Variants in SGCZ observed in about 807,000 individuals in gnomAD.
The protein encoded by SGCZ is sarcoglycan zeta, also known as zeta-sarcoglycan.
In SGCZ, 40 loss-of-function variants were observed where a neutral mutation model predicts 41.3. The observed-to-expected ratio is 0.97, with a 90% CI of 0.75 to 1.26. SGCZ has a LOEUF of 1.26. SGCZ is among the 50% of genes most tolerant of loss of function. The probability of loss-of-function intolerance (pLI) is 0.00; values close to 1 mark genes in which losing one functional copy is unlikely to be tolerated. For synonymous variants in SGCZ, 206 were observed against 137.5 expected, an observed-to-expected ratio of 1.50 and a Z score of -3.49; for missense variants, 552 against 369.8, an observed-to-expected ratio of 1.49 and a Z score of -4.04.
intron 1 of SGCZ, among the ~76,000 whole-genome samples, chr8:14,567,139 G>A (rs1804394376): frequency 6.6e-6 from 1 of 152,224 alleles, no homozygotes; most frequent in Non-Finnish European, 1.5e-5. Flanking sequence ...CATGGGCTCT[G>A]GTGGCGTCGG....
chr8:14,498,946 A>T (rs980076091), intron 2 of SGCZ, among the ~76,000 whole-genome samples: 3 of 151,694 alleles, frequency 2.0e-5, no homozygotes, highest in African/African-American at 4.8e-5. Context: ...CTTGCCTATG[A>T]CACCAGCAGT....
chr8:14,204,319 TC>T (rs1349464316), intron 4 of SGCZ, among the ~76,000 whole-genome samples: 9 of 151,382 alleles, frequency 5.9e-5, no homozygotes, highest in African/African-American at 2.2e-4. Context: ...CACCCATGTC[TC>T]CCCTTTATAC....
rs528807617 is a variant in SGCZ at position 14,665,571 on chromosome 8, C to G, written c.40-110645G>C. 2.0e-5 allele frequency among the ~76,000 whole-genome samples: 3 copies of G among 152,226 alleles called. No homozygotes were observed. The South Asian group carries it at 6.2e-4, about 32-fold the overall frequency. Reference sequence around the variant, plus strand: ...AAATGGTATTTCTAAACTCTTATCACTATATCTGCAACAGAACAAGTGTTC... The same window carrying G: ...AAATGGTATTTCTAAACTCTTATCAGTATATCTGCAACAGAACAAGTGTTC... On this transcript the variant is annotated intron_variant, in intron 1 of 7. Transcript: ENST00000382080.
intron 5 of SGCZ, among the ~76,000 whole-genome samples, chr8:14,150,103 A>G (rs1482138131): frequency 1.3e-5 from 2 of 152,206 alleles, no homozygotes; most frequent in Non-Finnish European, 2.9e-5. Flanking sequence ...ACTATCCAAG[A>G]CATTGGTCTG....
intron 4 of SGCZ, among the ~76,000 whole-genome samples, chr8:14,193,086 C>T (rs1004073993): frequency 3.3e-5 from 5 of 151,688 alleles, no homozygotes; most frequent in Admixed American, 1.3e-4. Context: ...TATAGGCTGT[C>T]AAAATCTTTT....
intron 1 of SGCZ, among the ~76,000 whole-genome samples, chr8:15,168,399 A>G (rs552667979): frequency 2.0e-5 from 3 of 152,334 alleles, no homozygotes; most frequent in African/African-American, 7.2e-5. Context: ...TGACGGTAGG[A>G]AAGAGATATA....
At chr8:15,180,826 G>C (rs1184673047) in intron 1 of SGCZ, among the ~76,000 whole-genome samples, 2 of 151,518 alleles carry the variant, frequency 1.3e-5, no homozygotes, top group African/African-American at 4.9e-5. Context: ...GGCAGAGTTT[G>C]CAGTGAGCCG....
intron 1 of SGCZ, among the ~76,000 whole-genome samples, chr8:15,216,069 C>T (rs1046508400): frequency 1.3e-5 from 2 of 152,086 alleles, no homozygotes; most frequent in African/African-American, 4.8e-5. Context: ...CAGAACATCT[C>T]AAGTGTGGCC....
At chr8:15,206,308 G>C in intron 1 of SGCZ, among the ~76,000 whole-genome samples, 1 of 152,120 alleles carries the variant, frequency 6.6e-6, no homozygotes, top group Non-Finnish European at 1.5e-5. Flanking sequence ...GTTGTGAGCA[G>C]TACAAAGGGG....
chr8:15,205,557 C>T (rs1345938412), intron 1 of SGCZ, among the ~76,000 whole-genome samples: 5 of 151,998 alleles, frequency 3.3e-5, no homozygotes, highest in Non-Finnish European at 4.4e-5. Context: ...CAGAGAGATA[C>T]CATCTCATAC....
chr8:14,707,845 C>G (rs1445887302), intron 1 of SGCZ, among the ~76,000 whole-genome samples: 1 of 152,088 alleles, frequency 6.6e-6, no homozygotes, highest in Non-Finnish European at 1.5e-5. Flanking sequence ...TTGAGTTTAA[C>G]TTCAGTTTGA....
chr8:14,384,198 G>A (rs974052465), intron 2 of SGCZ, among the ~76,000 whole-genome samples: 2 of 151,960 alleles, frequency 1.3e-5, no homozygotes, highest in Non-Finnish European at 2.9e-5. Flanking sequence ...TCCCACCTAT[G>A]AGTGAGAACA....
At chr8:15,185,340 G>A (rs1347879919) in intron 1 of SGCZ, among the ~76,000 whole-genome samples, 1 of 152,160 alleles carries the variant, frequency 6.6e-6, no homozygotes, top group Non-Finnish European at 1.5e-5. Flanking sequence ...TAAAAAATGT[G>A]TTGGTTTTTA....
intron 5 of SGCZ, among the ~76,000 whole-genome samples, chr8:14,111,400 AGACT>A (rs1349017893): frequency 2.0e-5 from 3 of 152,202 alleles, no homozygotes; most frequent in Non-Finnish European, 1.5e-5. Flanking sequence ...GAGAAAAGAC[AGACT>A]GTCATGAATT....
chr8:14,262,640 A>C lies in SGCZ; in HGVS notation c.337-24961T>G, dbSNP rs530405189. Among the ~76,000 whole-genome samples the C allele has an allele frequency of 1.1e-4, 16 of 151,964 alleles. No homozygotes were observed. The East Asian group carries it at 3.1e-3, about 29-fold the overall frequency. On this transcript the variant is annotated intron_variant, in intron 3 of 7. Coordinates refer to ENST00000382080, the MANE Select transcript of SGCZ (RefSeq NM_139167.4). Reference sequence around the variant, plus strand: ...ATTGTAGCGCTCAAAATATTTTCTTATATTTAGACTTTTCTCTTTTATTGT... The same window carrying C: ...ATTGTAGCGCTCAAAATATTTTCTTCTATTTAGACTTTTCTCTTTTATTGT...
chr8:14,715,712 C>T (rs1372420), intron 1 of SGCZ, among the ~76,000 whole-genome samples: 24,735 of 152,100 alleles, frequency 0.16, 2,547 homozygotes, highest in Non-Finnish European at 0.23. Flanking sequence ...TTTAGATTAA[C>T]GTCAACCTGT....
At chr8:14,347,469 G>A (rs1399211520) in intron 2 of SGCZ, among the ~76,000 whole-genome samples, 1 of 151,992 alleles carries the variant, frequency 6.6e-6, no homozygotes, top group African/African-American at 2.4e-5. Context: ...AGGAAATTGT[G>A]TGACTTTTCT....
At chr8:14,162,394 T>C (rs1182243992) in intron 5 of SGCZ, among the ~76,000 whole-genome samples, 2 of 152,154 alleles carry the variant, frequency 1.3e-5, no homozygotes, top group Non-Finnish European at 2.9e-5. Context: ...TTACCAGGGT[T>C]CAAAGATTAT....
intron 2 of SGCZ, among the ~76,000 whole-genome samples, chr8:14,329,386 C>T (rs559946982): frequency 8.5e-5 from 13 of 152,114 alleles, no homozygotes; most frequent in African/African-American, 2.9e-4. Flanking sequence ...TAGTTATTCC[C>T]TTTACTTGTG....
Sources: gnomAD v4.1 joint callset for allele counts (sites outside exome capture counted in the v4.1 genomes callset) on GRCh38, gnomAD v4.1.1 for gene constraint, MANE v1.5 for transcripts, NCBI Gene and HGNC (gene_info 2026-07-23, HGNC 2026-07-21) for gene names.